OXR1: variants seen among roughly 807,000 people sequenced by gnomAD.
OXR1 encodes the protein oxidation resistance 1, also known as oxidation resistance protein 1.
OXR1 carries 41 observed loss-of-function variants against 104.6 expected under a neutral mutation model. The ratio of observed to expected loss-of-function variants is 0.39; its 90% CI spans 0.31 to 0.51. The LOEUF is 0.51. Among genes scored for constraint, OXR1 ranks in the 20% least tolerant of loss-of-function variants. OXR1 has a pLI of 0.77. For missense variants in OXR1, 955 were observed against 1,031.9 expected (o/e 0.93, Z 1.02); for synonymous variants, 348 against 348.4 (o/e 1.00, Z 0.01).
intron 1 of OXR1, among the ~76,000 whole-genome samples, chr8:106,312,842 C>T (rs918725657): frequency 1.3e-5 from 2 of 152,182 alleles, no homozygotes; most frequent in Non-Finnish European, 2.9e-5. Context: ...AATTATCCTT[C>T]AAGATGCTAA....
intron 11 of OXR1, among the ~76,000 whole-genome samples, chr8:106,719,251 A>G (rs1423135637): frequency 2.0e-5 from 3 of 152,218 alleles, no homozygotes; most frequent in African/African-American, 7.2e-5. Flanking sequence ...TGGCATTTTA[A>G]CAAATTGTCA....
chr8:106,593,268 C>T (rs911726898), intron 3 of OXR1, among the ~76,000 whole-genome samples: 16 of 152,132 alleles, frequency 1.1e-4, no homozygotes, highest in Non-Finnish European at 1.9e-4. Flanking sequence ...CAAGGGCACC[C>T]GACCCGCCGG....
intron 7 of OXR1, among the ~76,000 whole-genome samples, chr8:106,701,861 A>G (rs1406165417): frequency 6.6e-6 from 1 of 152,244 alleles, no homozygotes; most frequent in African/African-American, 2.4e-5. Flanking sequence ...CATATAAAGT[A>G]TTCAATAAAT....
chr8:106,575,415 A>G (rs914173629), intron 3 of OXR1, among the ~76,000 whole-genome samples: 1 of 152,116 alleles, frequency 6.6e-6, no homozygotes, highest in Non-Finnish European at 1.5e-5. Flanking sequence ...AATTTGACTC[A>G]GTTAATTAAA....
At chr8:106,570,332 G>A (rs953386174) in intron 3 of OXR1, among the ~76,000 whole-genome samples, 1 of 152,210 alleles carries the variant, frequency 6.6e-6, no homozygotes, top group African/African-American at 2.4e-5. Context: ...TGTACTTGCC[G>A]TATTGCATAG....
intron 2 of OXR1, chr8:106,447,940 C>CG: frequency 6.5e-7 from 1 of 1,533,972 alleles, no homozygotes; most frequent in Non-Finnish European, 8.7e-7. Flanking sequence ...ACATCTAGTA[C>CG]GGGGCTCACA....
At chr8:106,543,229 A>G (rs1413995480) in intron 3 of OXR1, among the ~76,000 whole-genome samples, 3 of 152,126 alleles carry the variant, frequency 2.0e-5, no homozygotes, top group Non-Finnish European at 4.4e-5. Context: ...TAATTTAACT[A>G]GTTTAATTTA....
intron 2 of OXR1, among the ~76,000 whole-genome samples, chr8:106,436,940 G>A (rs538177585): frequency 8.5e-5 from 13 of 152,154 alleles, no homozygotes; most frequent in African/African-American, 2.9e-4. Context: ...GAAGAGAAGT[G>A]GTACATTGTA....
chr8:106,739,347 G>T (rs1834709596), intron 12 of OXR1, 111 bp from the exon 13 acceptor site: 2 of 962,906 alleles, frequency 2.1e-6, no homozygotes, highest in Admixed American at 2.2e-5. Context: ...TAAGGTTAAA[G>T]ATTTAGCCAC....
intron 2 of OXR1, among the ~76,000 whole-genome samples, chr8:106,394,213 ATGT>A (rs1817689709): frequency 6.6e-6 from 1 of 151,790 alleles, no homozygotes; most frequent in Non-Finnish European, 1.5e-5. Flanking sequence ...TCATGACAAC[ATGT>A]TGCCCTTTTT....
intron 1 of OXR1, among the ~76,000 whole-genome samples, chr8:106,322,000 G>C (rs542130153): frequency 1.2e-4 from 19 of 152,116 alleles, no homozygotes; most frequent in African/African-American, 4.6e-4. Flanking sequence ...TAAGAAAATA[G>C]TATATGATGC....
intron 11 of OXR1, among the ~76,000 whole-genome samples, chr8:106,728,217 GAAAA>G (rs1164061309): frequency 2.3e-5 from 2 of 85,794 alleles, no homozygotes; most frequent in African/African-American, 4.2e-5. Context: ...TTCTAAACTG[GAAAA>G]AAAAAAAAAA....
chr8:106,750,530 A>G (rs1167643150), intron 16 of OXR1, among the ~76,000 whole-genome samples: 1 of 151,508 alleles, frequency 6.6e-6, no homozygotes, highest in Non-Finnish European at 1.5e-5. Flanking sequence ...GGGTTTCTCC[A>G]TGTTGGTCAG....
intron 14 of OXR1, among the ~76,000 whole-genome samples, chr8:106,741,942 A>G (rs531645427): frequency 2.0e-5 from 3 of 152,188 alleles, no homozygotes; most frequent in Non-Finnish European, 4.4e-5. Flanking sequence ...GAAATGTGTT[A>G]ACCACTTTTT....
At chr8:106,575,697 A>G (rs1258373879) in intron 3 of OXR1, among the ~76,000 whole-genome samples, 1 of 75,646 alleles carries the variant, frequency 1.3e-5, no homozygotes, top group East Asian at 3.3e-4. Context: ...TGAAGAATAT[A>G]TTAAAAAAAA....
At chr8:106,389,304 G>A (rs985444748) in intron 2 of OXR1, among the ~76,000 whole-genome samples, 18 of 152,274 alleles carry the variant, frequency 1.2e-4, no homozygotes, top group African/African-American at 4.3e-4. Context: ...ACTTTATAAG[G>A]AAAGATAACT....
chr8:106,309,093 G>A (rs889337718), intron 1 of OXR1, among the ~76,000 whole-genome samples: 1 of 151,734 alleles, frequency 6.6e-6, no homozygotes, highest in Admixed American at 6.6e-5. Context: ...ATCCTCCTGC[G>A]TCAGCCTGAC....
At chr8:106,334,502 T>C (rs1037156561) in intron 1 of OXR1, among the ~76,000 whole-genome samples, 3 of 152,250 alleles carry the variant, frequency 2.0e-5, no homozygotes, top group Non-Finnish European at 2.9e-5. Flanking sequence ...TTCTCGTTCC[T>C]GATCTTAGGG....
At chr8:106,708,844 C>T in intron 9 of OXR1, among the ~76,000 whole-genome samples, 1 of 152,032 alleles carries the variant, frequency 6.6e-6, no homozygotes. Flanking sequence ...TGAGGAACCT[C>T]CGTACTGTTT....
Sources: allele counts gnomAD v4.1 joint callset (sites outside exome capture counted in the v4.1 genomes callset), GRCh38; gene constraint gnomAD v4.1.1; transcripts MANE v1.5; gene names NCBI Gene and HGNC (gene_info 2026-07-23, HGNC 2026-07-21).